Variants in LRRFIP2 observed in about 807,000 individuals in gnomAD.
The protein encoded by LRRFIP2 is LRR binding FLII interacting protein 2, also known as leucine-rich repeat flightless-interacting protein 2.
In LRRFIP2, 109 loss-of-function variants were observed where a neutral mutation model predicts 125.9. That is an observed-to-expected ratio of 0.87 (90% CI 0.74 to 1.01). The LOEUF is 1.01. LRRFIP2 is among the 50% of genes least tolerant of loss of function. LRRFIP2 has a pLI of 0.00. For synonymous variants in LRRFIP2, 291 were observed against 293.1 expected (o/e 0.99, Z 0.07); for missense variants, 850 against 862.3 (o/e 0.99, Z 0.18).
intron 21 of LRRFIP2, 37 bp downstream of exon 21, chr3:37,072,753 A>T: frequency 1.6e-6 from 2 of 1,269,114 alleles, no homozygotes; most frequent in South Asian, 1.2e-5. Context: ...AGTCCTCATC[A>T]ATGAGCTTCT....
chr3:37,143,210 G>A (rs1370479067), intron 2 of LRRFIP2, among the ~76,000 whole-genome samples: 2 of 152,084 alleles, frequency 1.3e-5, no homozygotes. Context: ...CCCAGTCTTG[G>A]GCATTTATAG....
At chr3:37,076,517 ACT>A (rs766744258) in intron 19 of LRRFIP2, among the ~76,000 whole-genome samples, 2 of 151,772 alleles carry the variant, frequency 1.3e-5, no homozygotes, top group Non-Finnish European at 2.9e-5. Context: ...ACGGAGTGAG[ACT>A]CTGTCTCCAA....
At chr3:37,165,644 C>T (rs983273815) in intron 1 of LRRFIP2, among the ~76,000 whole-genome samples, 3 of 151,190 alleles carry the variant, frequency 2.0e-5, no homozygotes, top group Non-Finnish European at 4.4e-5. Flanking sequence ...CCCATCTACT[C>T]GGGAGGCTGA....
chr3:37,156,302 A>G (rs564625363), intron 1 of LRRFIP2, among the ~76,000 whole-genome samples: 87 of 152,236 alleles, frequency 5.7e-4, no homozygotes, highest in African/African-American at 2.0e-3. Context: ...AAGCAAAGTG[A>G]AACTCTATCT....
At chr3:37,113,780 G>A (rs915474482) in intron 7 of LRRFIP2, among the ~76,000 whole-genome samples, 3 of 152,138 alleles carry the variant, frequency 2.0e-5, no homozygotes, top group African/African-American at 7.2e-5. Context: ...ATGCTCAGGA[G>A]GAAAACAACC....
In LRRFIP2 at chr3:37,055,037, G is replaced by A. The variant is rs561076818; in HGVS notation, c.1950+49C>T. ...GCACTCATGGGTTGTTAGCCACTTAGATGCAGGAAGGACATTTAAATAACT... is the reference window on the plus strand; with the variant it reads ...GCACTCATGGGTTGTTAGCCACTTAAATGCAGGAAGGACATTTAAATAACT... On this transcript the variant is annotated intron_variant, in intron 26 of 27. Coordinates refer to ENST00000336686, the MANE Select transcript of LRRFIP2 (RefSeq NM_006309.4). 5.6e-6 allele frequency: 7 copies of A among 1,250,266 alleles called. No individual in the cohort carries two copies. In the East Asian group the frequency reaches 1.2e-4, roughly 22 times the overall value. The allele number at this position is 1,250,266 out of a possible 1,614,324, so 77.4% of individuals were successfully genotyped here.
chr3:37,103,976 T>C (rs1175317741), intron 14 of LRRFIP2, among the ~76,000 whole-genome samples: 1 of 152,136 alleles, frequency 6.6e-6, no homozygotes, highest in East Asian at 1.9e-4. Context: ...CATCATCTAT[T>C]CCTTACTTCA....
intron 15 of LRRFIP2, among the ~76,000 whole-genome samples, chr3:37,098,238 CAT>C (rs781139104): frequency 7.7e-4 from 116 of 151,342 alleles, no homozygotes; most frequent in Non-Finnish European, 1.1e-3. Flanking sequence ...TTTAAAACAA[CAT>C]ATAAATGTTT....
At chr3:37,114,118 T>C (rs2149468360) in intron 7 of LRRFIP2, among the ~76,000 whole-genome samples, 1 of 152,292 alleles carries the variant, frequency 6.6e-6, no homozygotes, top group African/African-American at 2.4e-5. Flanking sequence ...TACTTTTTTT[T>C]TTTTGAATAT....
Position 37,058,814 on chromosome 3 carries a change from C to T in LRRFIP2, c.1846G>A (p.Asp616Asn), listed in dbSNP as rs1384824421. The T allele has an allele frequency of 6.2e-7, 1 of 1,613,958 alleles. No homozygotes were observed. Among genetic ancestry groups the T allele is most frequent in the African/African-American group, 1.3e-5 (1 of 74,896 alleles). ...CTCTGCATTTCGATGAACTGCAAGT[C>T]TGAGCCATTCTGCAGTCCTGCCAGG... ...GDLAGLQNGS[D>N]LQFIEMQRDA... Residue 616 changes from aspartate (D) to asparagine (N), a missense_variant, in exon 25 of 28, where the codon GAC becomes AAC. Coordinates refer to ENST00000336686, the MANE Select transcript of LRRFIP2 (RefSeq NM_006309.4).
At chr3:37,104,148 T>C (rs547891583) in intron 14 of LRRFIP2, among the ~76,000 whole-genome samples, 7 of 152,340 alleles carry the variant, frequency 4.6e-5, no homozygotes, top group South Asian at 2.1e-4. Context: ...ATTGCATTTA[T>C]AGATATTAAT....
Position 37,053,781 on chromosome 3 carries a change from T to G in LRRFIP2, c.*70A>C. ...AAAACAGTACTAAAAGGGGTTTGTGTCAATGGACAAAAGTCAGTCCCTCTA... is the reference window on the plus strand; with the variant it reads ...AAAACAGTACTAAAAGGGGTTTGTGGCAATGGACAAAAGTCAGTCCCTCTA... On this transcript the variant is annotated 3_prime_UTR_variant, in exon 28 of 28. Coordinates refer to ENST00000336686, the MANE Select transcript of LRRFIP2 (RefSeq NM_006309.4). The G allele has an allele frequency of 1.0e-6, 1 of 969,372 alleles. No homozygotes were observed. The highest frequency in any genetic ancestry group is 1.7e-6 in the Non-Finnish European group (1 of 596,720). The allele number at this position is 969,372 out of a possible 1,614,324, so 60.0% of individuals were successfully genotyped here.
intron 15 of LRRFIP2, among the ~76,000 whole-genome samples, chr3:37,099,238 T>C (rs1437015653): frequency 6.6e-6 from 1 of 152,212 alleles, no homozygotes; most frequent in Non-Finnish European, 1.5e-5. Context: ...TTGTGTGCTA[T>C]CTTCCATTTA....
At chr3:37,171,501 C>T (rs2096587125) in intron 1 of LRRFIP2, among the ~76,000 whole-genome samples, 1 of 151,992 alleles carries the variant, frequency 6.6e-6, no homozygotes, top group Non-Finnish European at 1.5e-5. Flanking sequence ...GAATCCTGAA[C>T]CTCCTCCTGG....
At chr3:37,138,927 T>C (rs1039446590) in intron 2 of LRRFIP2, among the ~76,000 whole-genome samples, 2 of 152,012 alleles carry the variant, frequency 1.3e-5, no homozygotes, top group African/African-American at 4.8e-5. Flanking sequence ...ACTGCCAGAG[T>C]CACTCTTGCT....
Position 37,055,146 on chromosome 3 carries a change from A to G in LRRFIP2, c.1890T>C (p.Ile630=), listed in dbSNP as rs560986682. The G allele has an allele frequency of 1.4e-5, 23 of 1,594,042 alleles. No homozygotes were observed. The highest frequency in any genetic ancestry group is 2.7e-5 in the African/African-American group (2 of 73,578). The change falls in exon 26 of 28, where the codon ATT becomes ATC. Residue 630 remains isoleucine (I), a synonymous_variant. Transcript: ENST00000336686. ...TTGAAAGCTTAAATTTGTATTCGCT[A>G]ATTTGTCTATTGGCATCTCCTAGAA... ...IEMQRDANRQ[I]SEYKFKLSKA... is the part of the protein sequence containing the mutation.
At chr3:37,071,207 T>C (rs1198289134) in intron 21 of LRRFIP2, among the ~76,000 whole-genome samples, 2 of 152,244 alleles carry the variant, frequency 1.3e-5, no homozygotes, top group Non-Finnish European at 2.9e-5. Flanking sequence ...GCTTTTGTTC[T>C]TTAAATTTTT....
upstream of LRRFIP2, chr3:37,175,865 T>C (rs1358600257): frequency 2.2e-4 from 34 of 152,208 alleles, 1 homozygote; most frequent in Non-Finnish European, 2.9e-5. Flanking sequence ...TCAGACGGGA[T>C]GTCTGAGAAC....
At position 37,105,475 on chromosome 3, in the gene LRRFIP2, G is replaced by C; in HGVS notation, c.763C>G (p.Arg255Gly). The C allele has an allele frequency of 6.2e-7, 1 of 1,613,832 alleles. No homozygotes were observed. ...ASIVSSDRASRGRRESVVSAA... is the reference protein window; with the variant it reads ...ASIVSSDRASGGRRESVVSAA... The stretch of plus-strand genomic sequence containing the variant: ...CTCACCACACTCTCCCTTCGTCCAC[G>C]ACTGGCACGATCAGAAGACACAATG... The change falls in exon 14 of 28, where the codon CGT (arginine) becomes GGT (glycine). Residue 255 changes from arginine to glycine, a missense_variant. By Grantham distance (125) the Arg-to-Gly change is moderately radical (BLOSUM62 -2). Coordinates refer to ENST00000336686, the MANE Select transcript of LRRFIP2 (RefSeq NM_006309.4).
Sources: gnomAD v4.1 joint callset for allele counts (sites outside exome capture counted in the v4.1 genomes callset) on GRCh38, gnomAD v4.1.1 for gene constraint, MANE v1.5 for transcripts, NCBI Gene and HGNC (gene_info 2026-07-23, HGNC 2026-07-21) for gene names.